The following WDR13 variants were observed in gnomAD, a reference collection of about 807,000 sequenced individuals.
WDR13 encodes WD repeat domain 13.
WDR13 carries 1 observed loss-of-function variant against 28.6 expected under a neutral mutation model. The observed-to-expected ratio is 0.03, with a 90% CI of 0.01 to 0.17. WDR13 has a LOEUF of 0.17. Among genes scored for constraint, WDR13 ranks in the 10% least tolerant of loss-of-function variants. The probability of loss-of-function intolerance (pLI) is 1.00; values close to 1 mark genes in which losing one functional copy is unlikely to be tolerated. For synonymous variants in WDR13, 201 were observed against 185.9 expected (o/e 1.08, Z -0.66); for missense variants, 264 against 469.3 (o/e 0.56, Z 4.04).
chrX:48,598,740 C>T lies in WDR13; in HGVS notation c.65C>T (p.Thr22Met). The T allele has an allele frequency of 8.4e-7, 1 of 1,196,627 alleles. No individual in the cohort carries two copies. The highest frequency in any genetic ancestry group is 1.1e-6 in the Non-Finnish European group (1 of 886,268). The change falls in exon 3 of 10, where the codon ACG becomes ATG. Residue 22 changes from threonine (T) to methionine (M), a missense_variant. By Grantham distance (81) the Thr-to-Met change is moderately conservative. Transcript: ENST00000376729. ...DARYNAYRTP[T>M]FPQFRTQYIR... ...AGGTACAACGCGTACCGCACACCAA[C>T]GTTTCCACAGTTTCGGACGCAGTAT...
Position 48,598,820 on chromosome X carries a change from G to T in WDR13, c.145G>T (p.Ala49Ser). 8.3e-7 allele frequency: 1 copy of T among 1,205,623 alleles called. No homozygotes were observed. The highest frequency in any genetic ancestry group is 1.1e-6 in the Non-Finnish European group (1 of 892,563). ...GAATGCCAAGGCTGGGCACCCCCCA[G>T]CGCTGCGTCGGCAGTACCTGAGGCT... ...RENAKAGHPP[A>S]LRRQYLRLRG... The change falls in exon 3 of 10, where the codon GCG (alanine) becomes TCG (serine). Residue 49 changes from alanine to serine, a missense_variant. Ala to Ser is a moderately conservative substitution (Grantham distance 99). Around this residue, in one of 4 missense-constraint regions of WDR13, gnomAD observed 74 missense variants for 89.3 expected, o/e 0.83. Coordinates refer to ENST00000376729, the MANE Select transcript of WDR13 (RefSeq NM_001347217.2).
In WDR13 at chrX:48,600,533, T is replaced by G. The variant is rs1262640432; in HGVS notation, c.738T>G (p.Ser246=). 2 of 1,210,846 alleles carry G rather than the reference T, an allele frequency of 1.7e-6. No individual in the cohort carries two copies. Among genetic ancestry groups the G allele is most frequent in the Admixed American group, 2.2e-5 (1 of 45,857 alleles). Residue 246 remains serine (S), a synonymous_variant, in exon 6 of 10, where the codon TCT becomes TCG. Transcript: ENST00000376729. The part of the protein sequence containing the change: ...SLDATMRIWA[S]EDGRCIREIP... ...ATGCCACCATGCGCATCTGGGCCTC[T>G]GAGGATGGTCGCTGCATCCGAGAGA...
intron 1 of WDR13, 151 bp from the exon 2 acceptor site, chrX:48,597,807 T>C: frequency 2.8e-6 from 2 of 726,428 alleles, no homozygotes; most frequent in Non-Finnish European, 3.9e-6. Context: ...AGGGCAGGGC[T>C]GGGGTGATGA....
rs1486122180 is a variant in WDR13 at position 48,606,698 on chromosome X, A to G, written c.*1666A>G. Reference sequence around the variant, plus strand: ...GTCAAAGTTACCTGAAGCAGCAAAGAGGCTCTTGCTCCGGCCCCTCCCTTC... The same window carrying G: ...GTCAAAGTTACCTGAAGCAGCAAAGGGGCTCTTGCTCCGGCCCCTCCCTTC... On this transcript the variant is annotated 3_prime_UTR_variant, in exon 10 of 10. Coordinates refer to ENST00000376729, the MANE Select transcript of WDR13 (RefSeq NM_001347217.2). The G allele has an allele frequency of 8.9e-6, 1 of 112,125 alleles. No homozygotes were observed. The highest frequency in any genetic ancestry group is 1.9e-5 in the Non-Finnish European group (1 of 53,232). 9.2% of individuals were successfully genotyped at this position (112,125 alleles called of 1,213,427 possible).
At chrX:48,599,800 A>C in intron 5 of WDR13, 83 bp downstream of exon 5, 1 of 1,159,905 alleles carries the variant, frequency 8.6e-7, no homozygotes, top group Non-Finnish European at 1.2e-6. Flanking sequence ...TCTGAATCCA[A>C]GGCCCCTGGC....
chrX:48,599,867 T>C, intron 5 of WDR13, 150 bp downstream of exon 5: 1 of 861,433 alleles, frequency 1.2e-6, no homozygotes, highest in Non-Finnish European at 1.6e-6. Context: ...AAAATCCCTC[T>C]GCAAAGTGGT....
Position 48,602,114 on chromosome X carries a change from G to A in WDR13, c.1062G>A (p.Val354=), listed in dbSNP as rs138800526. 2.6e-5 allele frequency: 32 copies of A among 1,210,180 alleles called. No homozygotes were observed. In the African/African-American group the frequency reaches 5.4e-4, roughly 20 times the overall value. The change falls in exon 8 of 10, where the codon GTG becomes GTA. Residue 354 remains valine, a synonymous_variant. Coordinates refer to ENST00000376729, the MANE Select transcript of WDR13 (RefSeq NM_001347217.2). ...TGGTGGTGCATGAGGGGAGCCCTGT[G>A]ACCAGCATCTCAGCCCGGTCCTGGG... ...KRLVVHEGSP[V]TSISARSWVS... is the part of the protein sequence containing the mutation.
intron 3 of WDR13, 194 bp from the exon 4 acceptor site, chrX:48,599,159 T>A: frequency 1.4e-6 from 1 of 701,187 alleles, no homozygotes; most frequent in Non-Finnish European, 2.1e-6. Context: ...CTTTAGTATC[T>A]GCTGAGCAGG....
Position 48,600,512 on chromosome X carries a change from C to T in WDR13, c.717C>T (p.Ala239=), listed in dbSNP as rs2062176494. ...NDILVSTSLD[A]TMRIWASEDG... is the part of the protein sequence containing the mutation. ...TCCTCGTGTCCACCTCACTGGATGC[C>T]ACCATGCGCATCTGGGCCTCTGAGG... Residue 239 remains alanine (A), a synonymous_variant, in exon 6 of 10, where the codon GCC becomes GCT. Coordinates refer to ENST00000376729, the MANE Select transcript of WDR13 (RefSeq NM_001347217.2). 1.8e-5 allele frequency: 22 copies of T among 1,210,964 alleles called. No individual in the cohort carries two copies. The highest frequency in any genetic ancestry group is 5.2e-5 in the African/African-American group (3 of 57,527).
At chrX:48,604,743 C>G in intron 9 of WDR13, 105 bp from the exon 10 acceptor site, 1 of 958,009 alleles carries the variant, frequency 1.0e-6, no homozygotes, top group Non-Finnish European at 1.4e-6. Flanking sequence ...ATGCTAGGAC[C>G]TCACACCTCG....
At position 48,598,055 on chromosome X, in the gene WDR13, A is replaced by G. The variant is rs1362681679; in HGVS notation, c.41+18A>G. 5 of 1,162,465 alleles carry G rather than the reference A, an allele frequency of 4.3e-6. No homozygotes were observed. The highest frequency in any genetic ancestry group is 4.6e-6 in the Non-Finnish European group (4 of 871,040). On this transcript the variant is annotated intron_variant, in intron 2 of 9. Transcript: ENST00000376729. ...GACGCGAGGTGAGGCGTGGGGTCAA[A>G]GCCCATGGGAGCAGAACTTACTGTG... is the stretch of plus-strand genomic sequence containing the variant.
intron 8 of WDR13, 42 bp from the exon 9 acceptor site, chrX:48,604,230 A>G: frequency 2.6e-6 from 3 of 1,154,289 alleles, no homozygotes; most frequent in Non-Finnish European, 3.5e-6. Flanking sequence ...TCTCCCTGCT[A>G]GGGCTGGGGC....
rs1292880054 is a variant in WDR13, at chrX:48,599,264, T to C, written c.283-89T>C. 1.4e-4 allele frequency: 103 copies of C among 756,062 alleles called. 8 individuals carry two copies. Among genetic ancestry groups the C allele is most frequent in the Non-Finnish European group, 1.9e-6 (1 of 529,932 alleles). 62.3% of individuals were successfully genotyped at this position (756,062 alleles called of 1,213,427 possible). On this transcript the variant is annotated intron_variant, in intron 3 of 9. Transcript: ENST00000376729. ...GCAGGGGACACAGTGAGAAGTGATC[T>C]GACTCTAGGTAGATTTTCAGGGCTC...
At position 48,606,516 on chromosome X, in the gene WDR13, C is replaced by G. The variant is rs1237353212; in HGVS notation, c.*1484C>G. 7.2e-5 allele frequency: 8 copies of G among 111,057 alleles called. No homozygotes were observed. Among genetic ancestry groups the G allele is most frequent in the African/African-American group, 2.6e-4 (8 of 30,494 alleles). The allele number at this position is 111,057 out of a possible 1,213,427, so 9.2% of individuals were successfully genotyped here. A position where few individuals can be genotyped will look rare whatever the true frequency, so the allele number is the denominator to read the frequency against. On this transcript the variant is annotated 3_prime_UTR_variant, in exon 10 of 10. Coordinates refer to ENST00000376729, the MANE Select transcript of WDR13 (RefSeq NM_001347217.2). ...CAGACCACCCCTGTCTCCTCCCAGC[C>G]CCATCCAGGGTACAAATTCCAGCCC... is the stretch of plus-strand genomic sequence containing the variant.
In WDR13 at chrX:48,605,422, C is replaced by T. The variant is rs1291207622; in HGVS notation, c.*390C>T. ...TGCCTTCATTGGGCTTGCATCATAG[C>T]GGAGACAGTAGATAAAAACATGGAA... is the stretch of plus-strand genomic sequence containing the variant. On this transcript the variant is annotated 3_prime_UTR_variant, in exon 10 of 10. Coordinates refer to ENST00000376729, the MANE Select transcript of WDR13 (RefSeq NM_001347217.2). 2 of 146,823 alleles carry T rather than the reference C, an allele frequency of 1.4e-5. No homozygotes were observed. The highest frequency in any genetic ancestry group is 2.7e-5 in the Non-Finnish European group (2 of 74,797). 12.1% of individuals were successfully genotyped at this position (146,823 alleles called of 1,213,427 possible).
At chrX:48,598,139 TG>T (rs2062155686) in intron 2 of WDR13, 102 bp downstream of exon 2, 18 of 1,146,791 alleles carry the variant, frequency 1.6e-5, no homozygotes, top group Non-Finnish European at 2.1e-5. Context: ...TGCGGCTGCG[TG>T]GGCATGCCGG....
intron 2 of WDR13, 76 bp from the exon 3 acceptor site, chrX:48,598,641 G>C: frequency 9.2e-7 from 1 of 1,081,096 alleles, no homozygotes. Context: ...TCACTCTCCT[G>C]CCGTACCCCC....
At position 48,601,885 on chromosome X, in the gene WDR13, C is replaced by G. The variant is rs2062188779; in HGVS notation, c.933C>G (p.Ser311=). The change falls in exon 7 of 10, where the codon TCC becomes TCG. Residue 311 remains serine, a synonymous_variant. Coordinates refer to ENST00000376729, the MANE Select transcript of WDR13 (RefSeq NM_001347217.2). ...TGACAGGCCGTGTCCTTGCTCTGTC[C>G]TTTGATGCCCCTGGCCGGCTGCTCT... The part of the protein sequence containing the change: ...SKLTGRVLAL[S]FDAPGRLLWA... 1 of 1,205,790 alleles carries G rather than the reference C, an allele frequency of 8.3e-7. No individual in the cohort carries two copies. The highest frequency in any genetic ancestry group is 1.7e-5 in the African/African-American group (1 of 57,386).
intron 5 of WDR13, 97 bp from the exon 6 acceptor site, chrX:48,600,222 T>G: frequency 1.0e-6 from 1 of 994,257 alleles, no homozygotes; most frequent in Admixed American, 3.1e-5. Context: ...CCTCATGCAG[T>G]GGGGCCCCAG....
Sources: allele counts gnomAD v4.1 joint callset, GRCh38; gene constraint gnomAD v4.1.1; regional missense constraint gnomAD v4.1.1; transcripts MANE v1.5; gene names NCBI Gene and HGNC (gene_info 2026-07-23, HGNC 2026-07-21).